Variants in CFDP1 observed in about 807,000 individuals in gnomAD.
CFDP1 encodes heterochromatin-stabilizing protein CFDP1.
Under a neutral mutation model 40.1 loss-of-function variants are expected in CFDP1, and 31 were observed. The ratio of observed to expected loss-of-function variants is 0.77; its 90% CI spans 0.58 to 1.04. The LOEUF (loss-of-function observed/expected upper bound fraction) is 1.04. Ranked by LOEUF, CFDP1 falls within the 50% of genes least tolerant of loss-of-function variation. The pLI, the probability that CFDP1 is intolerant of heterozygous loss-of-function variation, is 0.00. For missense variants in CFDP1, 423 were observed against 343.4 expected (o/e 1.23, Z -1.83); for synonymous variants, 167 against 120.0 (o/e 1.39, Z -2.56).
At chr16:75,411,278 G>A (rs887255938) in intron 4 of CFDP1, among the ~76,000 whole-genome samples, 1 of 151,134 alleles carries the variant, frequency 6.6e-6, no homozygotes, top group Non-Finnish European at 1.5e-5. Context: ...GGTGGCGTGT[G>A]CCTGTAATCC....
At chr16:75,310,586 G>A (rs1368664055) in intron 5 of CFDP1, among the ~76,000 whole-genome samples, 1 of 152,176 alleles carries the variant, frequency 6.6e-6, no homozygotes, top group Non-Finnish European at 1.5e-5. Flanking sequence ...ATCCTGTTGA[G>A]TCTGTCACAG....
At chr16:75,303,421 A>ATGTATGTATGTATGTG (rs2078236239) in intron 6 of CFDP1, among the ~76,000 whole-genome samples, 2 of 151,536 alleles carry the variant, frequency 1.3e-5, no homozygotes, top group Non-Finnish European at 2.9e-5. Context: ...GTATGTATGT[A>ATGTATGTATGTATGTG]TGTATGTTTA....
At chr16:75,298,933 T>C (rs2078203099) in intron 6 of CFDP1, among the ~76,000 whole-genome samples, 2 of 152,238 alleles carry the variant, frequency 1.3e-5, no homozygotes, top group East Asian at 1.9e-4. Context: ...TGGTCTCCAA[T>C]TGTAACCTTC....
rs186452100 is a variant in CFDP1 at position 75,340,517 on chromosome 16, C to T, written c.651-35335G>A. On this transcript the variant is annotated intron_variant, in intron 5 of 6. Coordinates refer to ENST00000283882, the MANE Select transcript of CFDP1 (RefSeq NM_006324.3). ...TTATGTTGCCTATTCCAACCAGTTT[C>T]TTGTCAGAGTGAGTAGGAAAATTCT... Among the ~76,000 whole-genome samples the T allele has an allele frequency of 2.7e-3, 417 of 152,250 alleles. 3 individuals are homozygous for T. Among genetic ancestry groups the T allele is most frequent in the African/African-American group, 9.7e-3 (403 of 41,546 alleles).
rs1491242764 is a variant in CFDP1, at chr16:75,306,901, ACG to A, written c.651-1721_651-1720del. Among the ~76,000 whole-genome samples, 401 of 146,200 alleles carry A rather than the reference ACG, an allele frequency of 2.7e-3. 5 individuals are homozygous for A. The highest frequency in any genetic ancestry group is 7.7e-3 in the African/African-American group (302 of 39,378). On this transcript the variant is annotated intron_variant, in intron 5 of 6. Coordinates refer to ENST00000283882, the MANE Select transcript of CFDP1 (RefSeq NM_006324.3). ...ATCACACACACACACACACACACAC[ACG>A]CACACACACACACTTTCTTTTTCAC... is the stretch of plus-strand genomic sequence containing the variant.
chr16:75,433,363 C>G lies in CFDP1; in HGVS notation c.-11G>C. On this transcript the variant is annotated 5_prime_UTR_variant, in exon 1 of 7. Transcript: ENST00000283882. ...GTCGAATTCCTCCATGTTGCTGCCGCTCGACGCTGGTCAAACTCACAAGAC... is the reference window on the plus strand; with the variant it reads ...GTCGAATTCCTCCATGTTGCTGCCGGTCGACGCTGGTCAAACTCACAAGAC... The G allele has an allele frequency of 1.3e-6, 2 of 1,584,204 alleles. No individual in the cohort carries two copies. Among genetic ancestry groups the G allele is most frequent in the Non-Finnish European group, 1.7e-6 (2 of 1,165,180 alleles).
At chr16:75,373,221 T>A (rs1453340456) in intron 5 of CFDP1, among the ~76,000 whole-genome samples, 1 of 152,190 alleles carries the variant, frequency 6.6e-6, no homozygotes, top group Non-Finnish European at 1.5e-5. Flanking sequence ...TTTTTGGAAA[T>A]AACATGGTGA....
intron 2 of CFDP1, among the ~76,000 whole-genome samples, chr16:75,414,142 C>T (rs1335833260): frequency 6.6e-6 from 1 of 151,936 alleles, no homozygotes; most frequent in African/African-American, 2.4e-5. Context: ...ATGGTACTAT[C>T]TCCAAGATGT....
chr16:75,427,945 T>C (rs1233426332), intron 1 of CFDP1, among the ~76,000 whole-genome samples: 1 of 152,176 alleles, frequency 6.6e-6, no homozygotes, highest in African/African-American at 2.4e-5. Flanking sequence ...CACAGGTGAA[T>C]CTCAAATGCA....
At chr16:75,352,558 ATC>A (rs1204873241) in intron 5 of CFDP1, among the ~76,000 whole-genome samples, 1 of 152,182 alleles carries the variant, frequency 6.6e-6, no homozygotes, top group Non-Finnish European at 1.5e-5. Context: ...TCATAAGTGT[ATC>A]TCTATCTTTT....
In CFDP1 at chr16:75,324,434, A is replaced by G. The variant is rs140090584; in HGVS notation, c.651-19252T>C. 3.3e-5 allele frequency among the ~76,000 whole-genome samples: 5 copies of G among 152,186 alleles called. No individual in the cohort carries two copies. The East Asian group carries it at 9.7e-4, about 29-fold the overall frequency. On this transcript the variant is annotated intron_variant, in intron 5 of 6. Coordinates refer to ENST00000283882, the MANE Select transcript of CFDP1 (RefSeq NM_006324.3). ...AAAAAAACTCACTCTAGAATCCAGA[A>G]AGAAATTTTAAAAATTGTTGTTGCT... is the stretch of plus-strand genomic sequence containing the variant.
At chr16:75,367,278 T>A (rs564647106) in intron 5 of CFDP1, among the ~76,000 whole-genome samples, 22 of 150,400 alleles carry the variant, frequency 1.5e-4, no homozygotes, top group Non-Finnish European at 2.7e-4. Flanking sequence ...TTTAAAACAA[T>A]AGAAAAATTT....
intron 5 of CFDP1, among the ~76,000 whole-genome samples, chr16:75,380,627 G>A (rs551120412): frequency 2.9e-4 from 44 of 152,142 alleles, no homozygotes; most frequent in African/African-American, 9.2e-4. Context: ...GGGCTGTAGC[G>A]GGTAGGAAGA....
At chr16:75,370,202 C>T (rs900128041) in intron 5 of CFDP1, among the ~76,000 whole-genome samples, 1 of 151,852 alleles carries the variant, frequency 6.6e-6, no homozygotes, top group African/African-American at 2.4e-5. Context: ...AAGTGATTCT[C>T]CTGCCTTGGC....
At chr16:75,310,231 C>T (rs111338752) in intron 5 of CFDP1, among the ~76,000 whole-genome samples, 122 of 152,250 alleles carry the variant, frequency 8.0e-4, no homozygotes, top group African/African-American at 2.8e-3. Context: ...AGCTTCCATG[C>T]CATAAGAGAG....
rs937783381 is a variant in CFDP1 at position 75,427,411 on chromosome 16, C to T, written c.64+5878G>A. ...GACTACAGGCATGCACCACCATGCC[C>T]GGCTAATTCTTTGTATTTTTTAGTA... On this transcript the variant is annotated intron_variant, in intron 1 of 6. Coordinates refer to ENST00000283882, the MANE Select transcript of CFDP1 (RefSeq NM_006324.3). Among the ~76,000 whole-genome samples the T allele has an allele frequency of 3.3e-5, 5 of 151,984 alleles. No individual in the cohort carries two copies. The South Asian group carries it at 6.2e-4, about 19-fold the overall frequency.
At chr16:75,417,787 A>C (rs1002484561) in intron 1 of CFDP1, among the ~76,000 whole-genome samples, 3 of 152,156 alleles carry the variant, frequency 2.0e-5, no homozygotes, top group African/African-American at 7.2e-5. Context: ...TATTCTGACT[A>C]TACATCTTCA....
chr16:75,305,060 C>G lies in CFDP1; in HGVS notation c.773G>C (p.Gly258Ala). 1 of 1,614,164 alleles carries G rather than the reference C, an allele frequency of 6.2e-7. No homozygotes were observed. Residue 258 changes from glycine to alanine, a missense_variant, in exon 6 of 7, where the codon GGT becomes GCT. Physicochemically the swap from Gly to Ala is moderately conservative, Grantham distance 60. Coordinates refer to ENST00000283882, the MANE Select transcript of CFDP1 (RefSeq NM_006324.3). ...WESFKEEEGI[G>A]EELAIHNRGK... ...TCGATTATGGATGGCCAGTTCTTCA[C>G]CAATCCCCTCTTCCTCCTTGAAGCT...
At chr16:75,385,342 A>T (rs2078887374) in intron 5 of CFDP1, among the ~76,000 whole-genome samples, 1 of 152,160 alleles carries the variant, frequency 6.6e-6, no homozygotes, top group Admixed American at 6.5e-5. Flanking sequence ...ATGACAATTA[A>T]CAATTGGAAA....
Sources: gnomAD v4.1 joint callset for allele counts (sites outside exome capture counted in the v4.1 genomes callset) on GRCh38, gnomAD v4.1.1 for gene constraint, MANE v1.5 for transcripts, NCBI Gene and HGNC (gene_info 2026-07-23, HGNC 2026-07-21) for gene names.